Variants in TBCD observed in about 807,000 individuals in gnomAD.
TBCD encodes tubulin folding cofactor D, also known as tubulin-specific chaperone D.
TBCD carries 105 observed loss-of-function variants against 169.3 expected under a neutral mutation model. That is an observed-to-expected ratio of 0.62 (90% CI 0.53 to 0.73). The LOEUF (loss-of-function observed/expected upper bound fraction) is 0.73, where lower values mean the gene tolerates loss of function less well. Among genes scored for constraint, TBCD ranks in the 30% least tolerant of loss-of-function variants. The pLI is 0.00. For synonymous variants in TBCD, 700 were observed against 643.9 expected (o/e 1.09, Z -1.32); for missense variants, 1,444 against 1,600.1 (o/e 0.90, Z 1.66).
At chr17:82,813,994 C>T (rs1464877740) in intron 12 of TBCD, among the ~76,000 whole-genome samples, 1 of 152,162 alleles carries the variant, frequency 6.6e-6, no homozygotes, top group Admixed American at 6.5e-5. Flanking sequence ...AGTGGGTTTT[C>T]CTAAACATTT....
chr17:82,887,732 T>C (rs2058854240), intron 15 of TBCD, among the ~76,000 whole-genome samples: 1 of 152,214 alleles, frequency 6.6e-6, no homozygotes, highest in Admixed American at 6.5e-5. Context: ...AGCCCTGCCT[T>C]TCTCTGTCCT....
chr17:82,867,976 C>T (rs1207900427), intron 13 of TBCD, among the ~76,000 whole-genome samples: 6 of 152,230 alleles, frequency 3.9e-5, no homozygotes, highest in Middle Eastern at 3.4e-3. Flanking sequence ...GGGAGGGAGT[C>T]ATGGCCGAGA....
At position 82,893,561 on chromosome 17, in the gene TBCD, T is replaced by C. The variant is rs745680021; in HGVS notation, c.1578T>C (p.His526=). The C allele has an allele frequency of 1.4e-5, 22 of 1,610,418 alleles. No homozygotes were observed. Among genetic ancestry groups the C allele is most frequent in the East Asian group, 6.7e-5 (3 of 44,882 alleles). Residue 526 remains histidine (H), a synonymous_variant, in exon 17 of 39, where the codon CAT becomes CAC. Transcript: ENST00000355528. ...TTTCTTATTAGGGCACTTTCCCTCA[T>C]GGTATTGATATTTTGACCACAGCTG... ...ENVGRQGTFP[H]GIDILTTADY...
intron 2 of TBCD, among the ~76,000 whole-genome samples, chr17:82,759,483 C>G: frequency 6.9e-6 from 1 of 145,144 alleles, no homozygotes; most frequent in East Asian, 2.0e-4. Flanking sequence ...CAGACTGTCT[C>G]AAAAAAAAAA....
chr17:82,899,326 C>T (rs934757277), intron 17 of TBCD, among the ~76,000 whole-genome samples: 37 of 149,916 alleles, frequency 2.5e-4, no homozygotes, highest in Middle Eastern at 3.3e-3. Flanking sequence ...TCAGCGCGCG[C>T]GTCCTCAGCT....
chr17:82,759,468 A>G (rs770072554), intron 2 of TBCD, among the ~76,000 whole-genome samples: 3 of 152,140 alleles, frequency 2.0e-5, no homozygotes, highest in Non-Finnish European at 4.4e-5. Flanking sequence ...CGTGGGCTAC[A>G]GAGCCAGACT....
intron 13 of TBCD, among the ~76,000 whole-genome samples, chr17:82,846,603 C>G (rs1243212521): frequency 3.3e-5 from 5 of 152,334 alleles, no homozygotes; most frequent in African/African-American, 1.2e-4. Flanking sequence ...GGTACACAGG[C>G]TTGCTGGCTT....
At chr17:82,904,625 C>T (rs979221161) in intron 19 of TBCD, among the ~76,000 whole-genome samples, 4 of 152,172 alleles carry the variant, frequency 2.6e-5, no homozygotes, top group African/African-American at 9.7e-5. Context: ...AGAATACACA[C>T]ATTTCTCAAT....
intron 13 of TBCD, among the ~76,000 whole-genome samples, chr17:82,824,993 T>C (rs771497924): frequency 6.6e-6 from 1 of 152,192 alleles, no homozygotes; most frequent in East Asian, 1.9e-4. Flanking sequence ...CTTTTAGAGA[T>C]AGACACAAAG....
At chr17:82,877,743 A>G (rs2058069767) in intron 14 of TBCD, among the ~76,000 whole-genome samples, 1 of 152,258 alleles carries the variant, frequency 6.6e-6, no homozygotes, top group Non-Finnish European at 1.5e-5. Flanking sequence ...ATGTATTGAA[A>G]TAGGATTGAT....
intron 7 of TBCD, among the ~76,000 whole-genome samples, chr17:82,784,362 C>T (rs948224073): frequency 5.9e-5 from 9 of 152,260 alleles, no homozygotes; most frequent in Middle Eastern, 3.4e-3. Context: ...AGGTGCCCCT[C>T]GTTCCGGCCG....
At chr17:82,895,022 A>G (rs996709859) in intron 17 of TBCD, among the ~76,000 whole-genome samples, 5 of 152,228 alleles carry the variant, frequency 3.3e-5, no homozygotes, top group African/African-American at 1.2e-4. Context: ...CCTGAGTAAC[A>G]CACCTGACAG....
intron 15 of TBCD, among the ~76,000 whole-genome samples, chr17:82,887,168 T>TGTGTGTGCGCGCGCGCGCGCGC: frequency 1.3e-4 from 17 of 126,092 alleles, no homozygotes; most frequent in South Asian, 2.9e-4. Context: ...TGTGTGTGTG[T>TGTGTGTGCGCGCGCGCGCGCGC]GCGCGCGCGC....
chr17:82,934,657 A>G (rs1353801466), intron 34 of TBCD, among the ~76,000 whole-genome samples: 1 of 151,924 alleles, frequency 6.6e-6, no homozygotes, highest in Non-Finnish European at 1.5e-5. Flanking sequence ...TTTTTAGTAG[A>G]GATGGGGTTT....
At chr17:82,863,349 C>T (rs903454703) in intron 13 of TBCD, among the ~76,000 whole-genome samples, 14 of 152,150 alleles carry the variant, frequency 9.2e-5, no homozygotes, top group African/African-American at 2.9e-4. Context: ...CCGGACGCAG[C>T]GTGGAGGCCA....
intron 6 of TBCD, among the ~76,000 whole-genome samples, chr17:82,780,105 C>T (rs944236132): frequency 6.6e-6 from 1 of 152,210 alleles, no homozygotes; most frequent in Admixed American, 6.5e-5. Flanking sequence ...GCACCTCTCC[C>T]ACTCGGCTGC....
chr17:82,916,297 C>CA (rs1473242415), intron 23 of TBCD, among the ~76,000 whole-genome samples: 2 of 152,000 alleles, frequency 1.3e-5, no homozygotes, highest in African/African-American at 2.4e-5. Flanking sequence ...AGGCTGGAGT[C>CA]ACAGTGGCGC....
In TBCD at chr17:82,930,779, G is replaced by A; in HGVS notation, c.3113+136G>A. 4.3e-6 allele frequency: 6 copies of A among 1,386,278 alleles called. No homozygotes were observed. Among genetic ancestry groups the A allele is most frequent in the Non-Finnish European group, 5.9e-6 (6 of 1,025,588 alleles). 85.9% of individuals were successfully genotyped at this position (1,386,278 alleles called of 1,614,324 possible). On this transcript the variant is annotated intron_variant, in intron 33 of 38. Coordinates refer to ENST00000355528, the MANE Select transcript of TBCD (RefSeq NM_005993.5). The surrounding 1 kb of genome is among the most constrained non-coding windows in gnomAD (Gnocchi z 5.2). ...AGCGAGACACACGCTGTACCAGTTG[G>A]TGGCTCAGCGAGGAAGATGTGCCTG...
Position 82,905,979 on chromosome 17 carries a change from CAT to C in TBCD, c.1849_1850del (p.Met617GlufsTer47). The C allele has an allele frequency of 6.2e-7, 1 of 1,613,402 alleles. No homozygotes were observed. Among genetic ancestry groups the C allele is most frequent in the Non-Finnish European group, 8.5e-7 (1 of 1,179,620 alleles). On this transcript the variant is annotated frameshift_variant, in exon 20 of 39. Coordinates refer to ENST00000355528, the MANE Select transcript of TBCD (RefSeq NM_005993.5). LOFTEE classifies it high-confidence loss of function. ...CCATGACACTGAGTCCAGATCTTCACATGAGGCATGGGTCGATTCTCGCCTGC... is the reference window on the plus strand; with the variant it reads ...CCATGACACTGAGTCCAGATCTTCACGAGGCATGGGTCGATTCTCGCCTGC... Reference protein sequence around the residue: ...LSMTLSPDLHMRHGSILACAE... With the variant: ...LSMTLSPDLHXRHGSILACAE...
Sources: allele counts gnomAD v4.1 joint callset (sites outside exome capture counted in the v4.1 genomes callset), GRCh38; gene constraint gnomAD v4.1.1; non-coding constraint Gnocchi (gnomAD v3.1); transcripts MANE v1.5; gene names NCBI Gene and HGNC (gene_info 2026-07-23, HGNC 2026-07-21).